Variants in GC observed in about 807,000 individuals in gnomAD.
GC encodes vitamin D-binding protein.
GC carries 43 observed loss-of-function variants against 56.7 expected under a neutral mutation model. The ratio of observed to expected loss-of-function variants is 0.76; its 90% CI spans 0.59 to 0.98. The LOEUF is 0.98. GC is among the 50% of genes least tolerant of loss of function. The pLI, the probability that GC is intolerant of heterozygous loss-of-function variation, is 0.00. For missense variants in GC, 529 were observed against 545.9 expected (o/e 0.97, Z 0.31); for synonymous variants, 216 against 202.7 (o/e 1.07, Z -0.56).
intron 1 of GC, among the ~76,000 whole-genome samples, chr4:71,779,212 T>A (rs1742599454): frequency 6.6e-6 from 1 of 151,868 alleles, no homozygotes. Context: ...ATAACAAAAG[T>A]TCTTAATTTC....
At chr4:71,786,346 G>A (rs1400484502), upstream of GC, among the ~76,000 whole-genome samples, 2 of 151,742 alleles carry the variant, frequency 1.3e-5, no homozygotes, top group Admixed American at 1.3e-4. Flanking sequence ...TGGCCTAAAT[G>A]AGAGGCCTCA....
At chr4:71,747,229 G>A (rs1741405044) in intron 11 of GC, among the ~76,000 whole-genome samples, 1 of 152,130 alleles carries the variant, frequency 6.6e-6, no homozygotes, top group Admixed American at 6.6e-5. Flanking sequence ...CAAGATATTG[G>A]GGGAGAAGAG....
At chr4:71,798,688 T>C (rs1243564489) in intron 1 of GC, among the ~76,000 whole-genome samples, 1 of 152,216 alleles carries the variant, frequency 6.6e-6, no homozygotes. Flanking sequence ...AAAAAGCCTT[T>C]CTTTATTAGT....
chr4:71,782,647 T>A (rs1742719778), intron 1 of GC, among the ~76,000 whole-genome samples: 2 of 151,794 alleles, frequency 1.3e-5, no homozygotes, highest in Admixed American at 1.3e-4. Flanking sequence ...GTGCACCTAT[T>A]GAGTCAGCAG....
chr4:71,777,437 A>G (rs966954270), intron 1 of GC, among the ~76,000 whole-genome samples: 5 of 151,540 alleles, frequency 3.3e-5, no homozygotes, highest in Non-Finnish European at 7.4e-5. Context: ...TGGAAAATGG[A>G]ATGCCAATGT....
At chr4:71,763,282 A>T in intron 6 of GC, 126 bp downstream of exon 6, 1 of 435,982 alleles carries the variant, frequency 2.3e-6, no homozygotes, top group Admixed American at 3.9e-5. Flanking sequence ...ATTTTTGGAG[A>T]TTATTGGAGC....
chr4:71,786,666 C>T (rs1159497196), upstream of GC, among the ~76,000 whole-genome samples: 5 of 151,782 alleles, frequency 3.3e-5, no homozygotes, highest in Non-Finnish European at 7.4e-5. Flanking sequence ...AATTGTGAGG[C>T]AGATAAAGCC....
chr4:71,749,254 T>C (rs891370834), intron 11 of GC, among the ~76,000 whole-genome samples: 4 of 152,202 alleles, frequency 2.6e-5, no homozygotes, highest in Admixed American at 6.5e-5. Flanking sequence ...AAATTTACTG[T>C]CGATAAAGCA....
intron 1 of GC, among the ~76,000 whole-genome samples, chr4:71,800,073 T>G (rs1429218076): frequency 6.6e-6 from 1 of 152,184 alleles, no homozygotes; most frequent in African/African-American, 2.4e-5. Flanking sequence ...CTTCCTTTTT[T>G]TTTTTTTAAT....
At chr4:71,752,712 G>A in intron 10 of GC, 62 bp from the exon 11 acceptor site, 2 of 1,345,310 alleles carry the variant, frequency 1.5e-6, no homozygotes, top group East Asian at 2.3e-5. Context: ...AATTTCTAAT[G>A]CAAAATAATA....
chr4:71,783,194 A>G (rs1742738947), intron 1 of GC, among the ~76,000 whole-genome samples: 1 of 151,780 alleles, frequency 6.6e-6, no homozygotes, highest in African/African-American at 2.4e-5. Context: ...AATTTTACAA[A>G]GCAGGATAAA....
At chr4:71,746,965 A>G (rs1741397519) in intron 11 of GC, among the ~76,000 whole-genome samples, 1 of 152,086 alleles carries the variant, frequency 6.6e-6, no homozygotes, top group South Asian at 2.1e-4. Flanking sequence ...CAGGTGAAAG[A>G]TTGCCTGAAA....
chr4:71,746,074 C>A, intron 12 of GC, 77 bp downstream of exon 12: 1 of 705,438 alleles, frequency 1.4e-6, no homozygotes, highest in East Asian at 2.6e-5. Flanking sequence ...ATTAAAGTCT[C>A]CTTCCCATTC....
chr4:71,781,057 A>G (rs903538059), intron 1 of GC, among the ~76,000 whole-genome samples: 1 of 152,112 alleles, frequency 6.6e-6, no homozygotes, highest in Non-Finnish European at 1.5e-5. Context: ...ATGCAGCCAT[A>G]AAAAAGGATG....
chr4:71,789,636 C>T (rs1192687543), intron 1 of GC, among the ~76,000 whole-genome samples: 1 of 151,832 alleles, frequency 6.6e-6, no homozygotes, highest in Non-Finnish European at 1.5e-5. Context: ...AGAATAATGG[C>T]CGACCAAAGT....
intron 6 of GC, among the ~76,000 whole-genome samples, chr4:71,758,837 G>C (rs1344221987): frequency 6.6e-6 from 1 of 152,012 alleles, no homozygotes; most frequent in Non-Finnish European, 1.5e-5. Flanking sequence ...CAGTATTTAA[G>C]TATATTTACA....
At position 71,763,960 on chromosome 4, in the gene GC, G is replaced by T. The variant is rs114660378; in HGVS notation, c.474-24C>A. On this transcript the variant is annotated intron_variant, in intron 4 of 12. Transcript: ENST00000273951. ...ATCTGTGGAGGAAAAAATAGAATTG[G>T]TCAAAAAATTTGTGAATAAACAAAA... is the stretch of plus-strand genomic sequence containing the variant. The T allele has an allele frequency of 4.8e-3, 7,692 of 1,594,210 alleles. 330 individuals carry two copies. In the African/African-American group the frequency reaches 0.091, roughly 19 times the overall value.
At chr4:71,769,270 TCA>T in intron 2 of GC, 59 bp downstream of exon 2, 1 of 1,226,234 alleles carries the variant, frequency 8.2e-7, no homozygotes, top group Non-Finnish European at 1.2e-6. Context: ...CAAAGTTACC[TCA>T]CACTCAGTTT....
At chr4:71,799,781 T>C (rs759951751) in intron 1 of GC, among the ~76,000 whole-genome samples, 8 of 152,048 alleles carry the variant, frequency 5.3e-5, no homozygotes, top group Non-Finnish European at 8.8e-5. Context: ...GCAGTGAAGG[T>C]TGTGGTGAAA....
Sources: allele counts gnomAD v4.1 joint callset (sites outside exome capture counted in the v4.1 genomes callset), GRCh38; gene constraint gnomAD v4.1.1; transcripts MANE v1.5; gene names NCBI Gene and HGNC (gene_info 2026-07-23, HGNC 2026-07-21).